Variants in ANO2 observed in about 807,000 individuals in gnomAD.
ANO2 encodes the protein anoctamin 2, also known as anoctamin-2.
A neutral mutation model predicts 124.2 loss-of-function variants in ANO2; 101 were observed. The observed-to-expected ratio is 0.81, with a 90% CI of 0.69 to 0.96. The LOEUF is 0.96. Ranked by LOEUF, ANO2 falls within the 40% of genes least tolerant of loss-of-function variation. The probability of loss-of-function intolerance (pLI) is 0.00; values close to 1 mark genes in which losing one functional copy is unlikely to be tolerated. For synonymous variants in ANO2, 486 were observed against 482.5 expected, an observed-to-expected ratio of 1.01 and a Z score of -0.09; for missense variants, 1,293 against 1,274.5, an observed-to-expected ratio of 1.01 and a Z score of -0.22.
intron 20 of ANO2, among the ~76,000 whole-genome samples, chr12:5,579,445 A>C (rs1441276014): frequency 6.6e-6 from 1 of 152,184 alleles, no homozygotes; most frequent in African/African-American, 2.4e-5. Flanking sequence ...TAAGTCAAAG[A>C]GACCTTCTAA....
At chr12:5,779,383 T>C (rs1952320560) in intron 10 of ANO2, among the ~76,000 whole-genome samples, 1 of 152,238 alleles carries the variant, frequency 6.6e-6, no homozygotes, top group African/African-American at 2.4e-5. Flanking sequence ...AAAATGCCTA[T>C]TTTCTTCAGG....
At position 5,802,482 on chromosome 12, in the gene ANO2, G is replaced by C. The variant is rs1453547368; in HGVS notation, c.991-2911C>G. Among the ~76,000 whole-genome samples, 3 of 152,218 alleles carry C rather than the reference G, an allele frequency of 2.0e-5. No homozygotes were observed. In the East Asian group the frequency reaches 5.8e-4, roughly 29 times the overall value. On this transcript the variant is annotated intron_variant, in intron 9 of 24. Coordinates refer to ENST00000682330, the MANE Select transcript of ANO2 (RefSeq NM_001364791.2). ...TGTCACCTGCAGGGGAGGCAGGGAG[G>C]GAGGTGGAGAGTGCTGTAGACCCTT...
chr12:5,614,332 A>G (rs2136908381), intron 17 of ANO2, among the ~76,000 whole-genome samples: 1 of 152,230 alleles, frequency 6.6e-6, no homozygotes, highest in Non-Finnish European at 1.5e-5. Flanking sequence ...GGCTAATGAG[A>G]TTACTCAGGA....
At chr12:5,616,540 C>G (rs1332502513) in intron 16 of ANO2, among the ~76,000 whole-genome samples, 1 of 152,192 alleles carries the variant, frequency 6.6e-6, no homozygotes, top group African/African-American at 2.4e-5. Context: ...AAGAAAAGCA[C>G]TAATACTACA....
At chr12:5,859,776 C>T (rs1032852351) in intron 3 of ANO2, among the ~76,000 whole-genome samples, 7 of 152,140 alleles carry the variant, frequency 4.6e-5, no homozygotes, top group African/African-American at 1.7e-4. Flanking sequence ...TCAAGCGATC[C>T]ACCTGCCTTG....
chr12:5,671,139 AG>A (rs1414833679), intron 14 of ANO2, among the ~76,000 whole-genome samples: 3 of 152,156 alleles, frequency 2.0e-5, no homozygotes, highest in Non-Finnish European at 4.4e-5. Context: ...GTAAGCAATG[AG>A]GGGAACAGCT....
At chr12:5,928,394 T>C (rs1280206097) in intron 1 of ANO2, among the ~76,000 whole-genome samples, 1 of 151,800 alleles carries the variant, frequency 6.6e-6, no homozygotes, top group African/African-American at 2.4e-5. Flanking sequence ...TGCACTAGTC[T>C]ACTTTCCTTC....
At chr12:5,781,905 T>A (rs777050925) in intron 10 of ANO2, among the ~76,000 whole-genome samples, 2 of 152,238 alleles carry the variant, frequency 1.3e-5, no homozygotes, top group Non-Finnish European at 2.9e-5. Context: ...TCCATGTGCA[T>A]GTGAAAATAA....
At chr12:5,680,830 T>C (rs1256272879) in intron 14 of ANO2, among the ~76,000 whole-genome samples, 1 of 152,186 alleles carries the variant, frequency 6.6e-6, no homozygotes, top group Admixed American at 6.5e-5. Context: ...GCTAGGCACC[T>C]GCTGGAATTC....
At chr12:5,722,725 T>C (rs1950281874) in intron 14 of ANO2, among the ~76,000 whole-genome samples, 1 of 151,936 alleles carries the variant, frequency 6.6e-6, no homozygotes, top group African/African-American at 2.4e-5. Flanking sequence ...CTTTCGTATG[T>C]GTGTGTGTGT....
rs76592186 is a variant in ANO2, at chr12:5,860,689, C to G, written c.535-6548G>C. 1.0e-2 allele frequency among the ~76,000 whole-genome samples: 1,520 copies of G among 152,284 alleles called. 15 individuals carry two copies. Among genetic ancestry groups the G allele is most frequent in the African/African-American group, 0.033 (1,391 of 41,548 alleles). ...CATATTGACAGCTAAAGTTACTAAACTTTCCACCTGACCAGGAACCATCTA... is the reference window on the plus strand; with the variant it reads ...CATATTGACAGCTAAAGTTACTAAAGTTTCCACCTGACCAGGAACCATCTA... On this transcript the variant is annotated intron_variant, in intron 3 of 24. Coordinates refer to ENST00000682330, the MANE Select transcript of ANO2 (RefSeq NM_001364791.2).
At position 5,922,802 on chromosome 12, in the gene ANO2, T is replaced by C; in HGVS notation, c.25A>G (p.Ile9Val). 1 of 1,496,616 alleles carries C rather than the reference T, an allele frequency of 6.7e-7. No homozygotes were observed. The highest frequency in any genetic ancestry group is 8.9e-7 in the Non-Finnish European group (1 of 1,123,718). 92.7% of individuals were successfully genotyped at this position (1,496,616 alleles called of 1,614,324 possible). A position where few individuals can be genotyped will look rare whatever the true frequency, so the allele number is the denominator to read the frequency against. ...CGTGGGGAGCCAGGGAGCAGGGGTA[T>C]ATCTGTGAGAGGGAAAGACAAGGGA... MATPGPRD[I>V]PLLPGSPRRL... Residue 9 changes from isoleucine to valine, a missense_variant and splice_region_variant, in exon 2 of 25, where the codon ATA becomes GTA. Ile to Val is a conservative substitution (Grantham distance 29). Coordinates refer to ENST00000682330, the MANE Select transcript of ANO2 (RefSeq NM_001364791.2).
chr12:5,933,533 A>C (rs1201074701), intron 1 of ANO2, among the ~76,000 whole-genome samples: 1 of 152,186 alleles, frequency 6.6e-6, no homozygotes, highest in African/African-American at 2.4e-5. Context: ...TGGGTAGGTG[A>C]ATAAATGGAT....
At chr12:5,889,517 C>G (rs1939234052) in intron 3 of ANO2, among the ~76,000 whole-genome samples, 1 of 152,350 alleles carries the variant, frequency 6.6e-6, no homozygotes, top group East Asian at 1.9e-4. Flanking sequence ...AATAAGTGTC[C>G]AGGAGCGCAG....
chr12:5,583,968 C>A, intron 20 of ANO2: 1 of 235,626 alleles, frequency 4.2e-6, no homozygotes. Context: ...GAGCACCATG[C>A]ATGAAAGTGA....
chr12:5,945,703 G>C (rs893690643), upstream of ANO2, among the ~76,000 whole-genome samples: 1 of 152,232 alleles, frequency 6.6e-6, no homozygotes, highest in Non-Finnish European at 1.5e-5. Context: ...GAGTGGGGGC[G>C]AGCCCCTGGA....
intron 14 of ANO2, among the ~76,000 whole-genome samples, chr12:5,705,102 T>C (rs1949558406): frequency 6.6e-6 from 1 of 152,194 alleles, no homozygotes; most frequent in African/African-American, 2.4e-5. Context: ...GAGCTGATAA[T>C]TTATGAAGAC....
intron 14 of ANO2, among the ~76,000 whole-genome samples, chr12:5,659,913 A>C (rs1947354519): frequency 6.6e-6 from 1 of 151,824 alleles, no homozygotes; most frequent in African/African-American, 2.4e-5. Flanking sequence ...AGGCCCTTTT[A>C]TTTTGTGATA....
At chr12:5,579,541 T>C (rs1167633799) in intron 20 of ANO2, among the ~76,000 whole-genome samples, 1 of 152,112 alleles carries the variant, frequency 6.6e-6, no homozygotes, top group Non-Finnish European at 1.5e-5. Context: ...ACCTGGACCA[T>C]TGCAACAGCC....
Sources: allele counts gnomAD v4.1 joint callset (sites outside exome capture counted in the v4.1 genomes callset), GRCh38; gene constraint gnomAD v4.1.1; transcripts MANE v1.5; gene names NCBI Gene and HGNC (gene_info 2026-07-23, HGNC 2026-07-21).